The following TMPRSS3 variants were observed in gnomAD, a reference collection of about 807,000 sequenced individuals.
The protein encoded by TMPRSS3 is transmembrane serine protease 3.
In TMPRSS3, 55 loss-of-function variants were observed where a neutral mutation model predicts 59.6. The observed-to-expected ratio is 0.92, with a 90% CI of 0.74 to 1.16. TMPRSS3 has a LOEUF of 1.16. Ranked by LOEUF, TMPRSS3 falls within the 50% of genes most tolerant of loss-of-function variation. The pLI, the probability that TMPRSS3 is intolerant of heterozygous loss-of-function variation, is 0.00. For missense variants in TMPRSS3, 596 were observed against 579.4 expected, an observed-to-expected ratio of 1.03 and a Z score of -0.29; for synonymous variants, 257 against 237.7, an observed-to-expected ratio of 1.08 and a Z score of -0.75.
intron 9 of TMPRSS3, 40 bp downstream of exon 9, chr21:42,382,025 A>C: frequency 6.2e-7 from 1 of 1,614,120 alleles, no homozygotes; most frequent in East Asian, 2.2e-5. Flanking sequence ...CTCTTGAAAC[A>C]AAGGAAGAGC....
At chr21:42,386,862 G>C (rs2052642478) in intron 5 of TMPRSS3, among the ~76,000 whole-genome samples, 1 of 152,096 alleles carries the variant, frequency 6.6e-6, no homozygotes, top group Non-Finnish European at 1.5e-5. Context: ...ATTAAAGAAG[G>C]ATTTTAAGGA....
chr21:42,384,333 G>A (rs879938457), intron 6 of TMPRSS3, among the ~76,000 whole-genome samples: 6 of 152,142 alleles, frequency 3.9e-5, no homozygotes, highest in African/African-American at 7.2e-5. Context: ...ATTGCATGGC[G>A]ATTCAGCCCA....
chr21:42,377,479 C>T (rs535494037), intron 10 of TMPRSS3, among the ~76,000 whole-genome samples: 22 of 152,346 alleles, frequency 1.4e-4, no homozygotes, highest in Admixed American at 1.0e-3. Context: ...TTGACGCCAG[C>T]GCCCTGAGAC....
At position 42,372,746 on chromosome 21, in the gene TMPRSS3, C is replaced by T. The variant is rs373631775; in HGVS notation, c.*16G>A. The T allele has an allele frequency of 1.9e-6, 3 of 1,613,950 alleles. No individual in the cohort carries two copies. Among genetic ancestry groups the T allele is most frequent in the Non-Finnish European group, 2.5e-6 (3 of 1,179,952 alleles). On this transcript the variant is annotated 3_prime_UTR_variant, in exon 13 of 13. Coordinates refer to ENST00000644384, the MANE Select transcript of TMPRSS3 (RefSeq NM_001256317.3). ...ATCACCTCAGGAACTCAGGTGGCTA[C>T]TTGTCCCCTTCCTCTTCAGGTTTTT...
intron 10 of TMPRSS3, among the ~76,000 whole-genome samples, chr21:42,377,157 T>C (rs564771308): frequency 1.3e-5 from 2 of 152,338 alleles, no homozygotes; most frequent in Non-Finnish European, 2.9e-5. Flanking sequence ...AACCTGTGAC[T>C]GTGTCACCTT....
chr21:42,392,244 T>A (rs765849844), intron 2 of TMPRSS3, among the ~76,000 whole-genome samples: 1 of 152,118 alleles, frequency 6.6e-6, no homozygotes, highest in Non-Finnish European at 1.5e-5. Context: ...AGGAGTGTGA[T>A]AATGAAATGA....
intron 9 of TMPRSS3, 58 bp from the exon 10 acceptor site, chr21:42,380,270 A>C: frequency 7.2e-7 from 1 of 1,394,014 alleles, no homozygotes; most frequent in Non-Finnish European, 1.0e-6. Flanking sequence ...CGAGAAAACA[A>C]TCTCATCTAT....
chr21:42,383,269 G>A, intron 7 of TMPRSS3, 71 bp from the exon 8 acceptor site: 1 of 1,528,052 alleles, frequency 6.5e-7, no homozygotes. Flanking sequence ...TCACCACCAT[G>A]CACCTGCTCC....
At chr21:42,390,414 G>A (rs181770940) in intron 2 of TMPRSS3, 42 of 269,478 alleles carry the variant, frequency 1.6e-4, no homozygotes, top group Non-Finnish European at 1.8e-4. Flanking sequence ...CTAATCCAAC[G>A]TGGCTGTTGC....
rs28653693 is a variant in TMPRSS3, at chr21:42,374,666, G to T, written c.1344+1050C>A. 1.8e-4 allele frequency among the ~76,000 whole-genome samples: 27 copies of T among 152,056 alleles called. 1 individual carries two copies. In the South Asian group the frequency reaches 4.8e-3, roughly 27 times the overall value. ...AATGCTGGGAACTGACAAAGGTGGTGTCTGCACAGCCCTGTGAATGTGCTG... is the reference window on the plus strand; with the variant it reads ...AATGCTGGGAACTGACAAAGGTGGTTTCTGCACAGCCCTGTGAATGTGCTG... On this transcript the variant is annotated intron_variant, in intron 12 of 12. Coordinates refer to ENST00000644384, the MANE Select transcript of TMPRSS3 (RefSeq NM_001256317.3).
At chr21:42,391,201 T>C (rs1180884845) in intron 2 of TMPRSS3, among the ~76,000 whole-genome samples, 1 of 152,202 alleles carries the variant, frequency 6.6e-6, no homozygotes, top group Non-Finnish European at 1.5e-5. Flanking sequence ...TGTTGATTTT[T>C]GTTTGTTTGT....
chr21:42,390,497 G>A (rs530003615), intron 2 of TMPRSS3: 148 of 199,250 alleles, frequency 7.4e-4, no homozygotes, highest in Admixed American at 2.0e-3. Context: ...GGAAGCCAAA[G>A]CGGGTGGATC....
At chr21:42,394,976 G>T (rs1456876810) in intron 2 of TMPRSS3, among the ~76,000 whole-genome samples, 3 of 152,196 alleles carry the variant, frequency 2.0e-5, no homozygotes, top group Admixed American at 6.5e-5. Context: ...CGGAGGGACT[G>T]GTGGCCACTG....
At chr21:42,384,722 C>T (rs755158130) in intron 6 of TMPRSS3, among the ~76,000 whole-genome samples, 1 of 152,166 alleles carries the variant, frequency 6.6e-6, no homozygotes, top group African/African-American at 2.4e-5. Flanking sequence ...ACGGACAGAC[C>T]AACAAGCCTA....
In TMPRSS3 at chr21:42,375,737, G is replaced by T; in HGVS notation, c.1323C>A (p.Asp441Glu). 2 of 1,613,816 alleles carry T rather than the reference G, an allele frequency of 1.2e-6. No individual in the cohort carries two copies. Among genetic ancestry groups the T allele is most frequent in the Non-Finnish European group, 1.7e-6 (2 of 1,180,030 alleles). Residue 441 changes from aspartate (D) to glutamate (E), a missense_variant, in exon 12 of 13, where the codon GAC (aspartate) becomes GAA (glutamate). Asp to Glu is a conservative substitution (Grantham distance 45, BLOSUM62 2). Coordinates refer to ENST00000644384, the MANE Select transcript of TMPRSS3 (RefSeq NM_001256317.3). The part of the protein sequence containing the change: ...GVYTRVTSFL[D>E]WIHEQMERDL... ...CCACCTCCATCTGCTCGTGGATCCA[G>T]TCCAGGAAGGAGGTGACACGGGTGT... is the stretch of plus-strand genomic sequence containing the variant.
chr21:42,391,027 G>A (rs1203534406), intron 2 of TMPRSS3, among the ~76,000 whole-genome samples: 1 of 152,194 alleles, frequency 6.6e-6, no homozygotes, highest in Non-Finnish European at 1.5e-5. Flanking sequence ...AAGTCACCCA[G>A]TTTTGGGGAC....
Position 42,375,860 on chromosome 21 carries a change from GCTGTCCCC to G in TMPRSS3, c.1192_1199del (p.Gly398ArgfsTer66). The G allele has an allele frequency of 1.2e-6, 2 of 1,613,636 alleles. No homozygotes were observed. The highest frequency in any genetic ancestry group is 1.7e-6 in the Non-Finnish European group (2 of 1,180,006). ...TCTCTTGACACACCAGGGGCCCCCC[GCTGTCCCC>G]CTGGGTGACAGGAAAGAAGCAAAGA... On this transcript the variant is annotated frameshift_variant and splice_region_variant, in exon 12 of 13. Transcript: ENST00000644384. LOFTEE classifies it high-confidence loss of function.
At chr21:42,381,501 T>G (rs774629435) in intron 9 of TMPRSS3, among the ~76,000 whole-genome samples, 1 of 152,158 alleles carries the variant, frequency 6.6e-6, no homozygotes, top group Non-Finnish European at 1.5e-5. Context: ...CCCTCCACAA[T>G]AGGCTCCTGG....
At chr21:42,382,769 C>T (rs899912835) in intron 8 of TMPRSS3, 11 of 550,094 alleles carry the variant, frequency 2.0e-5, no homozygotes, top group Admixed American at 6.2e-5. Flanking sequence ...TGTGGGTTTC[C>T]TCCAGCACAG....
Sources: gnomAD v4.1 joint callset for allele counts (sites outside exome capture counted in the v4.1 genomes callset) on GRCh38, gnomAD v4.1.1 for gene constraint, MANE v1.5 for transcripts, NCBI Gene and HGNC (gene_info 2026-07-23, HGNC 2026-07-21) for gene names.